PPARGC1A: variants seen among roughly 807,000 people sequenced by gnomAD.
PPARGC1A encodes the protein peroxisome proliferator-activated receptor gamma coactivator 1-alpha.
In PPARGC1A, 25 loss-of-function variants were observed where a neutral mutation model predicts 88.7. The ratio of observed to expected loss-of-function variants is 0.28; its 90% confidence interval spans 0.21 to 0.39. The LOEUF is 0.39. PPARGC1A is among the 10% of genes least tolerant of loss of function. PPARGC1A has a pLI of 1.00. For missense variants in PPARGC1A, 880 were observed against 968.7 expected (o/e 0.91, Z 1.22); for synonymous variants, 363 against 355.6 (o/e 1.02, Z -0.24).
chr4:24,380,021 G>A, the PPARGC1A span, among the ~76,000 whole-genome samples: 4 of 152,100 alleles, frequency 2.6e-5, no homozygotes, highest in East Asian at 1.9e-4. Context: ...CAGGTGATCC[G>A]CCTGTTCGGC....
the PPARGC1A span, among the ~76,000 whole-genome samples, chr4:24,073,607 C>T: frequency 0.01 from 1,576 of 152,194 alleles, 38 homozygotes; most frequent in East Asian, 0.11. Context: ...ATGATGGTGA[C>T]AATGATGACA....
the PPARGC1A span, among the ~76,000 whole-genome samples, chr4:24,425,615 A>G: frequency 6.6e-6 from 1 of 152,248 alleles, no homozygotes; most frequent in Non-Finnish European, 1.5e-5. Context: ...ATAGCTACAT[A>G]GCATGCATAC....
chr4:23,848,665 T>C (rs1728730828), intron 2 of PPARGC1A, among the ~76,000 whole-genome samples: 2 of 152,200 alleles, frequency 1.3e-5, no homozygotes, highest in South Asian at 2.1e-4. Flanking sequence ...TTCAATATTC[T>C]TGAAACATTA....
chr4:24,189,143 G>T, the PPARGC1A span, among the ~76,000 whole-genome samples: 1 of 152,044 alleles, frequency 6.6e-6, no homozygotes. Context: ...AGGGGTTAGG[G>T]GTTGCAGGGA....
chr4:23,877,055 T>A (rs1400648413), intron 2 of PPARGC1A, among the ~76,000 whole-genome samples: 1 of 152,162 alleles, frequency 6.6e-6, no homozygotes, highest in Non-Finnish European at 1.5e-5. Flanking sequence ...GACAAATGGC[T>A]TAATGGATAA....
chr4:24,176,022 T>C, the PPARGC1A span, among the ~76,000 whole-genome samples: 1 of 152,096 alleles, frequency 6.6e-6, no homozygotes, highest in Non-Finnish European at 1.5e-5. Flanking sequence ...AAGGACTTAA[T>C]CTTCATTCTA....
At chr4:24,411,444 G>C in the PPARGC1A span, among the ~76,000 whole-genome samples, 3 of 152,208 alleles carry the variant, frequency 2.0e-5, no homozygotes, top group Non-Finnish European at 4.4e-5. Flanking sequence ...CCCTCACACA[G>C]GTGCAGCCTG....
At chr4:23,879,767 T>G (rs1560502467) in intron 2 of PPARGC1A, among the ~76,000 whole-genome samples, 1 of 152,148 alleles carries the variant, frequency 6.6e-6, no homozygotes, top group African/African-American at 2.4e-5. Context: ...AAATACCACC[T>G]CCATTATGTT....
At chr4:23,879,358 T>C (rs1715453850) in intron 2 of PPARGC1A, among the ~76,000 whole-genome samples, 1 of 152,128 alleles carries the variant, frequency 6.6e-6, no homozygotes. Flanking sequence ...CGTAAATTTG[T>C]GGATTGGGTT....
At chr4:24,461,107 T>C in the PPARGC1A span, among the ~76,000 whole-genome samples, 1 of 152,162 alleles carries the variant, frequency 6.6e-6, no homozygotes, top group African/African-American at 2.4e-5. Flanking sequence ...TTATTTGTTG[T>C]AGAGGTGGGT....
chr4:24,081,297 A>C, the PPARGC1A span, among the ~76,000 whole-genome samples: 1 of 152,134 alleles, frequency 6.6e-6, no homozygotes, highest in Admixed American at 6.5e-5. Flanking sequence ...TAGTAAGGCA[A>C]AAGGTGGGGT....
chr4:24,094,213 C>A, the PPARGC1A span, among the ~76,000 whole-genome samples: 9 of 152,308 alleles, frequency 5.9e-5, no homozygotes, highest in Non-Finnish European at 1.0e-4. Flanking sequence ...GGACCAACAA[C>A]AGGCATTATG....
chr4:24,150,987 G>A, the PPARGC1A span, among the ~76,000 whole-genome samples: 2 of 152,018 alleles, frequency 1.3e-5, no homozygotes, highest in African/African-American at 2.4e-5. Context: ...AGTTTCCCAC[G>A]TGTGATTCCC....
chr4:23,829,588 A>G lies in PPARGC1A; in HGVS notation c.430-3T>C, dbSNP rs776124769. ...GGTGCCAGTAAGAGCTTCTTAAGCT[A>G]GAAACATTATCAGGGAAAGGGAAAA... On this transcript the variant is annotated splice_polypyrimidine_tract_variant and splice_region_variant and intron_variant, in intron 3 of 12. Transcript: ENST00000264867. 6.2e-7 allele frequency: 1 copy of G among 1,609,012 alleles called. No individual in the cohort carries two copies.
chr4:24,098,871 C>A, the PPARGC1A span, among the ~76,000 whole-genome samples: 3 of 152,108 alleles, frequency 2.0e-5, no homozygotes, highest in South Asian at 6.2e-4. Context: ...AGATGAGAAC[C>A]TCAATTTTTC....
chr4:24,349,004 AG>A, the PPARGC1A span, among the ~76,000 whole-genome samples: 1 of 152,152 alleles, frequency 6.6e-6, no homozygotes, highest in African/African-American at 2.4e-5. Flanking sequence ...CCCTTGATGT[AG>A]TACTCTCCCC....
the PPARGC1A span, among the ~76,000 whole-genome samples, chr4:24,317,581 A>AC: frequency 7.0e-6 from 1 of 143,388 alleles, no homozygotes; most frequent in Non-Finnish European, 1.5e-5. Flanking sequence ...AAAAAAAAAA[A>AC]AAAAAAAAAA....
the PPARGC1A span, among the ~76,000 whole-genome samples, chr4:24,435,813 C>A: frequency 6.6e-6 from 1 of 152,358 alleles, no homozygotes; most frequent in South Asian, 2.1e-4. Flanking sequence ...CTAAACCACA[C>A]AGCATATAAG....
At chr4:24,410,043 T>C in the PPARGC1A span, among the ~76,000 whole-genome samples, 2 of 152,242 alleles carry the variant, frequency 1.3e-5, no homozygotes, top group African/African-American at 2.4e-5. Context: ...TATCAAGAAC[T>C]ACAATTCTAC....
Sources: allele counts gnomAD v4.1 joint callset (sites outside exome capture counted in the v4.1 genomes callset), GRCh38; gene constraint gnomAD v4.1.1; transcripts MANE v1.5; gene names NCBI Gene and HGNC (gene_info 2026-07-23, HGNC 2026-07-21).